Variants in CREB3L4 observed in about 807,000 individuals in gnomAD.
CREB3L4 encodes the protein cyclic AMP-responsive element-binding protein 3-like protein 4.
In CREB3L4, 28 loss-of-function variants were observed where a neutral mutation model predicts 37.0. That is an observed-to-expected ratio of 0.76 (90% CI 0.56 to 1.04). The LOEUF (loss-of-function observed/expected upper bound fraction) is 1.04, where lower values mean the gene tolerates loss of function less well. Among genes scored for constraint, CREB3L4 ranks in the 50% least tolerant of loss-of-function variants. CREB3L4 has a pLI of 0.00. For missense variants in CREB3L4, 462 were observed against 486.0 expected (o/e 0.95, Z 0.46); for synonymous variants, 175 against 192.2 (o/e 0.91, Z 0.74).
At chr1:153,971,587 CTT>C (rs55930906) in intron 4 of CREB3L4, among the ~76,000 whole-genome samples, 8 of 107,506 alleles carry the variant, frequency 7.4e-5, no homozygotes, top group Non-Finnish European at 1.3e-4. Context: ...TTTTCTTTTT[CTT>C]TTTTTTTTTT....
Position 153,968,608 on chromosome 1 carries a change from T to C in CREB3L4, c.83T>C (p.Leu28Pro). 6.2e-7 allele frequency: 1 copy of C among 1,613,960 alleles called. No homozygotes were observed. Among genetic ancestry groups the C allele is most frequent in the Non-Finnish European group, 8.5e-7 (1 of 1,179,958 alleles). ...DIFSTGSVLE[L>P]GLHCPPPEVP... ...TTCTCGACAGGATCCGTCCTGGAGC[T>C]GGGACTCCACTGCCCCCCTCCAGAG... is the stretch of plus-strand genomic sequence containing the variant. Residue 28 changes from leucine to proline, a missense_variant, in exon 2 of 10, where the codon CTG becomes CCG. Physicochemically the swap from Leu to Pro is moderately conservative, Grantham distance 98. Coordinates refer to ENST00000368607, the MANE Select transcript of CREB3L4 (RefSeq NM_001255978.2).
At chr1:153,967,715 A>G (rs1328445882), upstream of CREB3L4, 2 of 152,186 alleles carry the variant, frequency 1.3e-5, no homozygotes, top group East Asian at 3.8e-4. Flanking sequence ...ACTCTCCTGA[A>G]CAGCCAAACT....
rs376382535 is a variant in CREB3L4 at position 153,968,535 on chromosome 1, G to A, written c.10G>A (p.Gly4Arg). The change falls in exon 2 of 10, where the codon GGA becomes AGA. Residue 4 changes from glycine (G) to arginine (R), a missense_variant. By Grantham distance (125) the Gly-to-Arg change is moderately radical. Coordinates refer to ENST00000368607, the MANE Select transcript of CREB3L4 (RefSeq NM_001255978.2). ...GCCTTCCTGCAGAAGCATGGATCTC[G>A]GAATCCCTGACCTGCTGGACGCGTG... Reference protein sequence around the residue: MDLGIPDLLDAWLE... With the variant: MDLRIPDLLDAWLE... The A allele has an allele frequency of 6.8e-6, 11 of 1,613,184 alleles. No homozygotes were observed. The highest frequency in any genetic ancestry group is 1.3e-5 in the African/African-American group (1 of 74,888).
rs1648599147 is a variant in CREB3L4 at position 153,973,415 on chromosome 1, T to A, written c.848T>A (p.Leu283Gln). ...LVAQLRQLQT[L>Q]IAQTSNKAAQ... ...GCTCAGCTCCGCCAGCTGCAGACGC[T>A]AATTGCTCAAACTTCCAACAAAGCT... The change falls in exon 8 of 10, where the codon CTA becomes CAA. Residue 283 changes from leucine to glutamine, a missense_variant. By Grantham distance (113) the Leu-to-Gln change is moderately radical. Transcript: ENST00000368607. 6.2e-7 allele frequency: 1 copy of A among 1,614,168 alleles called. No homozygotes were observed. The highest frequency in any genetic ancestry group is 2.2e-5 in the East Asian group (1 of 44,878).
rs914866165 is a variant in CREB3L4 at position 153,970,022 on chromosome 1, G to A, written c.543+567G>A. Reference sequence around the variant, plus strand: ...CAGCTCACTGCAACCTCTGCCTCCCGGGTTCAAGCGATTCTCCTGCCTCAG... The same window carrying A: ...CAGCTCACTGCAACCTCTGCCTCCCAGGTTCAAGCGATTCTCCTGCCTCAG... On this transcript the variant is annotated intron_variant, in intron 4 of 9. Transcript: ENST00000368607. Among the ~76,000 whole-genome samples, 9 of 147,434 alleles carry A rather than the reference G, an allele frequency of 6.1e-5. No individual in the cohort carries two copies. The East Asian group carries it at 1.8e-3, about 30-fold the overall frequency.
At chr1:153,968,408 A>AGGG (rs1553212042) in intron 1 of CREB3L4, 114 bp from the exon 2 acceptor site, 1 of 741,086 alleles carries the variant, frequency 1.3e-6, no homozygotes, top group African/African-American at 4.4e-5. Flanking sequence ...GTGAGGAAGG[A>AGGG]GTGGGGGGGC....
In CREB3L4 at chr1:153,972,856, G is replaced by C. The variant is rs1403462350; in HGVS notation, c.636+20G>C. ...ACCAAGGTAACATGCTTCCCCTAAG[G>C]GTATCCCAACCCAGGGGCCTCACCA... On this transcript the variant is annotated intron_variant, in intron 5 of 9. Coordinates refer to ENST00000368607, the MANE Select transcript of CREB3L4 (RefSeq NM_001255978.2). 3 of 1,610,240 alleles carry C rather than the reference G, an allele frequency of 1.9e-6. No homozygotes were observed. The highest frequency in any genetic ancestry group is 1.7e-6 in the Non-Finnish European group (2 of 1,176,854).
rs1010300703 is a variant in CREB3L4 at position 153,969,015 on chromosome 1, G to C, written c.260G>C (p.Ser87Thr). 6.2e-7 allele frequency: 1 copy of C among 1,614,212 alleles called. No homozygotes were observed. The highest frequency in any genetic ancestry group is 1.1e-5 in the South Asian group (1 of 91,090). Residue 87 changes from serine to threonine, a missense_variant, in exon 3 of 10, where the codon AGT becomes ACT. Transcript: ENST00000368607. ...EVYCSEASPGSDSGISEDPCH... is the reference protein window; with the variant it reads ...EVYCSEASPGTDSGISEDPCH... Reference sequence around the variant, plus strand: ...TACTGCTCAGAAGCATCTCCTGGCAGTGACAGTGGCATCTCTGAGGACCCC... The same window carrying C: ...TACTGCTCAGAAGCATCTCCTGGCACTGACAGTGGCATCTCTGAGGACCCC...
rs762954630 is a variant in CREB3L4, at chr1:153,969,333, G to T, written c.422-1G>T. On this transcript the variant is annotated splice_acceptor_variant, in intron 3 of 9. Transcript: ENST00000368607. LOFTEE classifies it high-confidence loss of function. The stretch of plus-strand genomic sequence containing the variant: ...TCCCAGCTACCTGTTTTCTACTCCA[G>T]ATCAGTGGAGCCCAGCATTTATGGT... The T allele has an allele frequency of 6.2e-7, 1 of 1,614,096 alleles. No individual in the cohort carries two copies. Among genetic ancestry groups the T allele is most frequent in the East Asian group, 2.2e-5 (1 of 44,894 alleles).
At position 153,974,325 on chromosome 1, in the gene CREB3L4, A is replaced by G. The variant is rs1648699711; in HGVS notation, c.*260A>G. ...TTTGGGTATAGGGTTGAGGGGAAAT[A>G]AGTTTTGAGTGAGAAATAAACGTTT... is the stretch of plus-strand genomic sequence containing the variant. On this transcript the variant is annotated 3_prime_UTR_variant, in exon 10 of 10. Transcript: ENST00000368607. 2.2e-6 allele frequency: 1 copy of G among 450,022 alleles called. No individual in the cohort carries two copies. Among genetic ancestry groups the G allele is most frequent in the Non-Finnish European group, 4.0e-6 (1 of 252,786 alleles). The allele number at this position is 450,022 out of a possible 1,614,324, so 27.9% of individuals were successfully genotyped here.
At chr1:153,971,212 G>A (rs1446498348) in intron 4 of CREB3L4, among the ~76,000 whole-genome samples, 4 of 150,504 alleles carry the variant, frequency 2.7e-5, no homozygotes, top group Admixed American at 6.6e-5. Flanking sequence ...TACTAAAAAT[G>A]CAAAAATTAG....
At chr1:153,971,290 C>A (rs577929809) in intron 4 of CREB3L4, among the ~76,000 whole-genome samples, 1 of 151,702 alleles carries the variant, frequency 6.6e-6, no homozygotes, top group African/African-American at 2.4e-5. Context: ...ATCGCTTGAA[C>A]CCGGGAAGCA....
rs532244434 is a variant in CREB3L4, at chr1:153,974,345, A to G, written c.*280A>G. On this transcript the variant is annotated 3_prime_UTR_variant, in exon 10 of 10. Coordinates refer to ENST00000368607, the MANE Select transcript of CREB3L4 (RefSeq NM_001255978.2). ...GAAATAAGTTTTGAGTGAGAAATAAACGTTTTAGCTGAAATTGTATCCCAG... is the reference window on the plus strand; with the variant it reads ...GAAATAAGTTTTGAGTGAGAAATAAGCGTTTTAGCTGAAATTGTATCCCAG... The G allele has an allele frequency of 2.3e-6, 1 of 429,994 alleles. No homozygotes were observed. The highest frequency in any genetic ancestry group is 3.7e-5 in the Admixed American group (1 of 26,984). The allele number at this position is 429,994 out of a possible 1,614,324, so 26.6% of individuals were successfully genotyped here.
Position 153,974,122 on chromosome 1 carries a change from A to T in CREB3L4, c.*57A>T. The T allele has an allele frequency of 1.3e-6, 2 of 1,529,230 alleles. No homozygotes were observed. The highest frequency in any genetic ancestry group is 8.9e-7 in the Non-Finnish European group (1 of 1,120,782). The allele number at this position is 1,529,230 out of a possible 1,614,324, so 94.7% of individuals were successfully genotyped here. A position where few individuals can be genotyped will look rare whatever the true frequency, so the allele number is the denominator to read the frequency against. On this transcript the variant is annotated 3_prime_UTR_variant, in exon 10 of 10. Coordinates refer to ENST00000368607, the MANE Select transcript of CREB3L4 (RefSeq NM_001255978.2). ...ATCACAAGGAATCCTGGGCTTCCTT[A>T]TGGCTTTGCTTCCCACTGGGATTCC... is the stretch of plus-strand genomic sequence containing the variant.
chr1:153,973,031 G>T lies in CREB3L4; in HGVS notation c.696G>T (p.Gln232His). 6.2e-7 allele frequency: 1 copy of T among 1,614,182 alleles called. No individual in the cohort carries two copies. Among genetic ancestry groups the T allele is most frequent in the Non-Finnish European group, 8.5e-7 (1 of 1,180,036 alleles). Residue 232 changes from glutamine (Q) to histidine (H), a missense_variant, in exon 6 of 10, where the codon CAG becomes CAT. Physicochemically the swap from Gln to His is conservative, Grantham distance 24. Transcript: ENST00000368607. ...AAATCCGTAACAAGCAGTCAGCTCAGGACAGTCGGCGGCGGAAGAAGGAGT... is the reference window on the plus strand; with the variant it reads ...AAATCCGTAACAAGCAGTCAGCTCATGACAGTCGGCGGCGGAAGAAGGAGT... ...RRKIRNKQSA[Q>H]DSRRRKKEYI... is the part of the protein sequence containing the mutation.
intron 6 of CREB3L4, 30 bp from the exon 7 acceptor site, chr1:153,973,165 T>C: frequency 6.2e-7 from 1 of 1,613,558 alleles, no homozygotes; most frequent in Non-Finnish European, 8.5e-7. Flanking sequence ...CTCAGGTTGC[T>C]GAGCCTTGTC....
At position 153,968,987 on chromosome 1, in the gene CREB3L4, G is replaced by C. The variant is rs541913338; in HGVS notation, c.232G>C (p.Val78Leu). ...FLKLFIDPNE[V>L]YCSEASPGSD... ...GAAGCTTTTCATTGATCCCAATGAGGTGTACTGCTCAGAAGCATCTCCTGG... is the reference window on the plus strand; with the variant it reads ...GAAGCTTTTCATTGATCCCAATGAGCTGTACTGCTCAGAAGCATCTCCTGG... The change falls in exon 3 of 10, where the codon GTG (valine) becomes CTG (leucine). Residue 78 changes from valine to leucine, a missense_variant. By Grantham distance (32) the Val-to-Leu change is conservative (BLOSUM62 1). Coordinates refer to ENST00000368607, the MANE Select transcript of CREB3L4 (RefSeq NM_001255978.2). The C allele has an allele frequency of 6.2e-7, 1 of 1,613,970 alleles. No individual in the cohort carries two copies. The highest frequency in any genetic ancestry group is 1.1e-5 in the South Asian group (1 of 91,074).
At position 153,974,157 on chromosome 1, in the gene CREB3L4, G is replaced by A; in HGVS notation, c.*92G>A. On this transcript the variant is annotated 3_prime_UTR_variant, in exon 10 of 10. Transcript: ENST00000368607. The stretch of plus-strand genomic sequence containing the variant: ...TTCCCACTGGGATTCCTACTTAGGT[G>A]TCTGCCCTCAGGGGTCCAAATCACT... The A allele has an allele frequency of 7.8e-7, 1 of 1,283,346 alleles. No homozygotes were observed. The highest frequency in any genetic ancestry group is 1.1e-6 in the Non-Finnish European group (1 of 923,350). The allele number at this position is 1,283,346 out of a possible 1,614,324, so 79.5% of individuals were successfully genotyped here. A position where few individuals can be genotyped will look rare whatever the true frequency, so the allele number is the denominator to read the frequency against.
At position 153,974,027 on chromosome 1, in the gene CREB3L4, G is replaced by T. The variant is rs145926108; in HGVS notation, c.1150G>T (p.Gly384Trp). The T allele has an allele frequency of 1.3e-5, 21 of 1,614,118 alleles. No homozygotes were observed. The Admixed American group carries it at 3.3e-4, about 26-fold the overall frequency. ...EKMGGKPRPS[G>W]RIRSVLHADE... Reference sequence around the variant, plus strand: ...GATGGGAGGGAAGCCAAGACCCAGTGGGCGCATCCGGTCCGTGCTGCATGC... The same window carrying T: ...GATGGGAGGGAAGCCAAGACCCAGTTGGCGCATCCGGTCCGTGCTGCATGC... The change falls in exon 10 of 10, where the codon GGG (glycine) becomes TGG (tryptophan). Residue 384 changes from glycine (G) to tryptophan (W), a missense_variant. By Grantham distance (184) the Gly-to-Trp change is radical. Coordinates refer to ENST00000368607, the MANE Select transcript of CREB3L4 (RefSeq NM_001255978.2).
Sources: gnomAD v4.1 joint callset for allele counts (sites outside exome capture counted in the v4.1 genomes callset) on GRCh38, gnomAD v4.1.1 for gene constraint, MANE v1.5 for transcripts, NCBI Gene and HGNC (gene_info 2026-07-23, HGNC 2026-07-21) for gene names.